DYNC1H1: variants seen among roughly 807,000 people sequenced by gnomAD.
DYNC1H1 encodes the protein cytoplasmic dynein 1 heavy chain 1.
DYNC1H1 carries 51 observed loss-of-function variants against 527.1 expected under a neutral mutation model. The observed-to-expected ratio is 0.10, with a 90% CI of 0.08 to 0.12. The LOEUF (loss-of-function observed/expected upper bound fraction) is 0.12, where lower values mean the gene tolerates loss of function less well. Ranked by LOEUF, DYNC1H1 falls within the 10% of genes least tolerant of loss-of-function variation. The pLI, the probability that DYNC1H1 is intolerant of heterozygous loss-of-function variation, is 1.00. For missense variants in DYNC1H1, 2,771 were observed against 5,971.8 expected (o/e 0.46, Z 17.66); for synonymous variants, 2,189 against 2,278.8 (o/e 0.96, Z 1.12).
intron 4 of DYNC1H1, 79 bp downstream of exon 4, chr14:101,980,053 G>A (rs982261715): frequency 1.2e-6 from 2 of 1,602,946 alleles, no homozygotes; most frequent in South Asian, 1.1e-5. Context: ...GATTTTGTAA[G>A]TGAGGTAAAT....
Position 102,024,929 on chromosome 14 carries a change from C to CAG in DYNC1H1, c.8638-1645_8638-1644insAG, listed in dbSNP as rs1279153467. Among the ~76,000 whole-genome samples, 3 of 151,816 alleles carry CAG rather than the reference C, an allele frequency of 2.0e-5. No individual in the cohort carries two copies. In the East Asian group the frequency reaches 5.9e-4, roughly 30 times the overall value. ...CAGGATGGTCTCGATCTCCTGACCT[C>CAG]GTGATCAGCCCATCTCGGCCTCCCA... On this transcript the variant is annotated intron_variant, in intron 43 of 77. Transcript: ENST00000360184.
chr14:102,022,684 T>C (rs1208398964), intron 42 of DYNC1H1, 67 bp from the exon 43 acceptor site: 11 of 1,609,540 alleles, frequency 6.8e-6, no homozygotes, highest in Non-Finnish European at 9.3e-6. Flanking sequence ...CCCACAAACA[T>C]GGTGAACATG....
intron 57 of DYNC1H1, chr14:102,037,588 A>G (rs2048593066): frequency 6.6e-6 from 1 of 152,248 alleles, no homozygotes; most frequent in Admixed American, 6.5e-5. Flanking sequence ...TGGGAGCTAA[A>G]TGATGAGAAC....
chr14:102,025,436 C>T (rs1595622351), intron 43 of DYNC1H1, among the ~76,000 whole-genome samples: 1 of 150,030 alleles, frequency 6.7e-6, no homozygotes, highest in African/African-American at 2.5e-5. Context: ...GGTATGGTGG[C>T]GTGTGCCTAT....
intron 1 of DYNC1H1, among the ~76,000 whole-genome samples, chr14:101,966,042 A>C (rs2047663982): frequency 6.6e-6 from 1 of 152,182 alleles, no homozygotes; most frequent in South Asian, 2.1e-4. Flanking sequence ...CCTAAGGATG[A>C]TGTCCAAGGT....
At chr14:102,032,059 G>T (rs984519217) in intron 51 of DYNC1H1, among the ~76,000 whole-genome samples, 1 of 152,190 alleles carries the variant, frequency 6.6e-6, no homozygotes, top group African/African-American at 2.4e-5. Flanking sequence ...CTAGCATTTT[G>T]TAAGATCTTC....
chr14:101,998,733 A>G (rs991790374), intron 16 of DYNC1H1, among the ~76,000 whole-genome samples: 1 of 152,126 alleles, frequency 6.6e-6, no homozygotes. Context: ...TGCTTTTGCC[A>G]GTGCTGCTGT....
Position 102,041,412 on chromosome 14 carries a change from C to T in DYNC1H1, c.11942-162C>T, listed in dbSNP as rs2048647724. On this transcript the variant is annotated intron_variant, in intron 64 of 77. Transcript: ENST00000360184. This position sits in a 1 kb window ranked among gnomAD's most constrained non-coding sequence, Gnocchi z 4.5. ...TTCTCACAGGCGTGTCCAGAGGGCT[C>T]ACGGAAGGCACAGCAGATGTGGCTG... 4.4e-6 allele frequency: 5 copies of T among 1,124,222 alleles called. No homozygotes were observed. The highest frequency in any genetic ancestry group is 6.6e-6 in the Non-Finnish European group (5 of 754,768). The allele number at this position is 1,124,222 out of a possible 1,614,324, so 69.6% of individuals were successfully genotyped here.
Position 101,983,338 on chromosome 14 carries a change from A to G in DYNC1H1, c.1234-44A>G. 1.2e-6 allele frequency: 2 copies of G among 1,613,972 alleles called. No individual in the cohort carries two copies. The highest frequency in any genetic ancestry group is 1.7e-6 in the Non-Finnish European group (2 of 1,179,812). ...ACCAACCTCAAGACATTGAGATGAAAATATGTCTTAATAATAAGCCTCACT... is the reference window on the plus strand; with the variant it reads ...ACCAACCTCAAGACATTGAGATGAAGATATGTCTTAATAATAAGCCTCACT... On this transcript the variant is annotated intron_variant, in intron 6 of 77. Coordinates refer to ENST00000360184, the MANE Select transcript of DYNC1H1 (RefSeq NM_001376.5). The surrounding 1 kb of genome is among the most constrained non-coding windows in gnomAD (Gnocchi z 5.3).
rs1001529980 is a variant in DYNC1H1, at chr14:102,001,973, A to G, written c.4542+292A>G. 6.6e-6 allele frequency among the ~76,000 whole-genome samples: 1 copy of G among 151,818 alleles called. No homozygotes were observed. The highest frequency in any genetic ancestry group is 6.6e-5 in the Admixed American group (1 of 15,230). On this transcript the variant is annotated intron_variant, in intron 21 of 77. Transcript: ENST00000360184. The surrounding 1 kb of genome is among the most constrained non-coding windows in gnomAD (Gnocchi z 5.0). Reference sequence around the variant, plus strand: ...TTTTTTGTAGAGACAGCATCTCACTATATTGCCCAGGCTGGTCTCGAACTC... The same window carrying G: ...TTTTTTGTAGAGACAGCATCTCACTGTATTGCCCAGGCTGGTCTCGAACTC...
intron 43 of DYNC1H1, chr14:102,023,655 C>T (rs2048415247): frequency 1.9e-5 from 3 of 154,106 alleles, no homozygotes; most frequent in Admixed American, 1.9e-4. Flanking sequence ...TCGAGACCAG[C>T]CTGGACAACA....
rs1241394733 is a variant in DYNC1H1, at chr14:102,040,278, A to T, written c.11733A>T (p.Gly3911=). ...CAGAATTCCAGCACTTCTTGAGAGG[A>T]AATGAGATTGTCCTGAGTGCTGGCT... ...YDAEFQHFLR[G]NEIVLSAGST... is the part of the protein sequence containing the mutation. Residue 3911 remains glycine (G), a synonymous_variant, in exon 63 of 78, where the codon GGA becomes GGT. Coordinates refer to ENST00000360184, the MANE Select transcript of DYNC1H1 (RefSeq NM_001376.5). 2.5e-6 allele frequency: 4 copies of T among 1,614,064 alleles called. No homozygotes were observed. The Admixed American group carries it at 6.7e-5, about 27-fold the overall frequency.
At position 102,020,060 on chromosome 14, in the gene DYNC1H1, A is replaced by T. The variant is rs2152584666; in HGVS notation, c.8507+4A>T. ...CTCTGCGTCTCTTCCAAGATAGGTA[A>T]GGGAAGCCGAGGATCCAGTTGGTCC... On this transcript the variant is annotated splice_donor_region_variant and intron_variant, in intron 42 of 77. Coordinates refer to ENST00000360184, the MANE Select transcript of DYNC1H1 (RefSeq NM_001376.5). This position sits in a 1 kb window ranked among gnomAD's most constrained non-coding sequence, Gnocchi z 4.3. 6.2e-7 allele frequency: 1 copy of T among 1,614,050 alleles called. No homozygotes were observed. Among genetic ancestry groups the T allele is most frequent in the East Asian group, 2.2e-5 (1 of 44,880 alleles).
At chr14:102,031,889 G>A (rs765356269) in intron 51 of DYNC1H1, among the ~76,000 whole-genome samples, 1 of 152,200 alleles carries the variant, frequency 6.6e-6, no homozygotes, top group Non-Finnish European at 1.5e-5. Flanking sequence ...GGGAGGCAGA[G>A]GTTGCAGTGA....
rs533488996 is a variant in DYNC1H1, at chr14:102,036,140, G to A, written c.10755-349G>A. ...AATCCCTTGCTGCTGCGACATCATT[G>A]ATGTTGATACGTGCTGTCTAGAAGG... On this transcript the variant is annotated intron_variant, in intron 56 of 77. Coordinates refer to ENST00000360184, the MANE Select transcript of DYNC1H1 (RefSeq NM_001376.5). This position sits in a 1 kb window ranked among gnomAD's most constrained non-coding sequence, Gnocchi z 5.6. 3.4e-6 allele frequency: 1 copy of A among 295,518 alleles called. No individual in the cohort carries two copies. Among genetic ancestry groups the A allele is most frequent in the Admixed American group, 4.7e-5 (1 of 21,206 alleles). The allele number at this position is 295,518 out of a possible 1,614,324, so 18.3% of individuals were successfully genotyped here.
intron 56 of DYNC1H1, chr14:102,034,762 A>G: frequency 4.6e-6 from 2 of 436,134 alleles, no homozygotes; most frequent in South Asian, 4.2e-5. Flanking sequence ...TGTCTCTACT[A>G]AAAATACAAA....
At position 102,038,671 on chromosome 14, in the gene DYNC1H1, A is replaced by G. The variant is rs371689152; in HGVS notation, c.11056-27A>G. On this transcript the variant is annotated intron_variant, in intron 58 of 77. Coordinates refer to ENST00000360184, the MANE Select transcript of DYNC1H1 (RefSeq NM_001376.5). The surrounding 1 kb of genome is among the most constrained non-coding windows in gnomAD (Gnocchi z 7.2). ...TGTGGTTTTGAAACTGGATTAAGACAGACTGTTCTGTTACCTATTTTGGCA... is the reference window on the plus strand; with the variant it reads ...TGTGGTTTTGAAACTGGATTAAGACGGACTGTTCTGTTACCTATTTTGGCA... The G allele has an allele frequency of 9.3e-6, 15 of 1,614,118 alleles. No homozygotes were observed. Among genetic ancestry groups the G allele is most frequent in the African/African-American group, 1.3e-5 (1 of 74,930 alleles).
chr14:102,026,754 TTGAG>T, intron 44 of DYNC1H1, 47 bp downstream of exon 44: 1 of 1,602,608 alleles, frequency 6.2e-7, no homozygotes, highest in Non-Finnish European at 8.5e-7. Flanking sequence ...TAAGCTGCTC[TTGAG>T]TAAGTGTGTG....
In DYNC1H1 at chr14:102,055,289, C is replaced by T. The variant is rs1456850852; in HGVS notation, c.*4726C>T. 1.3e-5 allele frequency: 2 copies of T among 152,358 alleles called. No individual in the cohort carries two copies. Among genetic ancestry groups the T allele is most frequent in the Non-Finnish European group, 2.9e-5 (2 of 68,176 alleles). The allele number at this position is 152,358 out of a possible 1,614,324, so 9.4% of individuals were successfully genotyped here. A position where few individuals can be genotyped will look rare whatever the true frequency, so the allele number is the denominator to read the frequency against. On this transcript the variant is annotated 3_prime_UTR_variant, in exon 78 of 78. Coordinates refer to ENST00000360184, the MANE Select transcript of DYNC1H1 (RefSeq NM_001376.5). ...TGCTCCTCCTGCATCAGCGCCCCAC[C>T]CAACAGAGCCGACCAGGCTGGGAAC...
Sources: allele counts gnomAD v4.1 joint callset (sites outside exome capture counted in the v4.1 genomes callset), GRCh38; gene constraint gnomAD v4.1.1; non-coding constraint Gnocchi (gnomAD v3.1); transcripts MANE v1.5; gene names NCBI Gene and HGNC (gene_info 2026-07-23, HGNC 2026-07-21).